Variants in LRRTM4 observed in about 807,000 individuals in gnomAD.
LRRTM4 encodes the protein leucine rich repeat transmembrane neuronal 4.
Under a neutral mutation model 47.6 loss-of-function variants are expected in LRRTM4, and 25 were observed. The observed-to-expected ratio is 0.53, with a 90% confidence interval of 0.38 to 0.73. LRRTM4 has a LOEUF of 0.73. Ranked by LOEUF, LRRTM4 falls within the 30% of genes least tolerant of loss-of-function variation. The pLI, the probability that LRRTM4 is intolerant of heterozygous loss-of-function variation, is 0.00. For synonymous variants in LRRTM4, 311 were observed against 269.5 expected (o/e 1.15, Z -1.51); for missense variants, 638 against 713.4 (o/e 0.89, Z 1.20).
intron 3 of LRRTM4, among the ~76,000 whole-genome samples, chr2:77,089,866 T>C (rs1473537609): frequency 6.6e-6 from 1 of 152,148 alleles, no homozygotes; most frequent in Non-Finnish European, 1.5e-5. Flanking sequence ...AGGCAAACGG[T>C]CTGAGGTGCC....
intron 3 of LRRTM4, among the ~76,000 whole-genome samples, chr2:77,002,069 CTT>C (rs979115893): frequency 6.6e-6 from 1 of 152,152 alleles, no homozygotes; most frequent in African/African-American, 2.4e-5. Flanking sequence ...ATTTTACTCT[CTT>C]AGAATCAACA....
chr2:77,295,197 T>C (rs1415345417), intron 3 of LRRTM4, among the ~76,000 whole-genome samples: 1 of 152,138 alleles, frequency 6.6e-6, no homozygotes, highest in Non-Finnish European at 1.5e-5. Flanking sequence ...GCAAACATAA[T>C]TTCTTTTATT....
At chr2:77,363,673 T>C (rs931450611) in intron 3 of LRRTM4, among the ~76,000 whole-genome samples, 16 of 152,202 alleles carry the variant, frequency 1.1e-4, no homozygotes, top group African/African-American at 3.9e-4. Flanking sequence ...GAATGTGCGC[T>C]TCAAAATGCT....
intron 3 of LRRTM4, among the ~76,000 whole-genome samples, chr2:77,472,621 T>TACA (rs1677234279): frequency 6.6e-6 from 1 of 152,138 alleles, no homozygotes; most frequent in Non-Finnish European, 1.5e-5. Context: ...GTAGTAATCC[T>TACA]ACATTATTAT....
intron 3 of LRRTM4, among the ~76,000 whole-genome samples, chr2:77,447,987 G>T (rs1291699131): frequency 6.6e-6 from 1 of 152,116 alleles, no homozygotes; most frequent in African/African-American, 2.4e-5. Flanking sequence ...AGCAGAGAAG[G>T]TATTATTTAT....
chr2:77,092,517 A>G (rs944789764), intron 3 of LRRTM4, among the ~76,000 whole-genome samples: 9 of 142,520 alleles, frequency 6.3e-5, no homozygotes, highest in African/African-American at 2.6e-4. Flanking sequence ...CTGCTATTCT[A>G]CTACTCCTCA....
intron 3 of LRRTM4, among the ~76,000 whole-genome samples, chr2:76,799,146 CA>C (rs1313806440): frequency 7.1e-6 from 1 of 140,960 alleles, no homozygotes; most frequent in East Asian, 2.2e-4. Flanking sequence ...GAGACACAAC[CA>C]AAAAAGAGAA....
chr2:77,483,269 G>A (rs1001671763), intron 3 of LRRTM4, among the ~76,000 whole-genome samples: 5 of 151,834 alleles, frequency 3.3e-5, no homozygotes, highest in African/African-American at 9.7e-5. Flanking sequence ...TTAAAAGACT[G>A]CTCAAGAATT....
chr2:77,370,369 A>C (rs1455125299), intron 3 of LRRTM4, among the ~76,000 whole-genome samples: 1 of 151,798 alleles, frequency 6.6e-6, no homozygotes, highest in South Asian at 2.1e-4. Flanking sequence ...AAGTTTCAGC[A>C]TAATAACTAC....
chr2:76,788,202 T>C lies in LRRTM4; in HGVS notation c.1552-39286A>G, dbSNP rs1465428114. Among the ~76,000 whole-genome samples the C allele has an allele frequency of 4.6e-5, 7 of 152,216 alleles. No homozygotes were observed. In the East Asian group the frequency reaches 7.7e-4, roughly 17 times the overall value. ...CAGTAGAATGTGTTAACATATGTAATTGAGGTAAGTACAAGGTCTAATAGA... is the reference window on the plus strand; with the variant it reads ...CAGTAGAATGTGTTAACATATGTAACTGAGGTAAGTACAAGGTCTAATAGA... On this transcript the variant is annotated intron_variant, in intron 3 of 3. Coordinates refer to ENST00000409884, the MANE Select transcript of LRRTM4 (RefSeq NM_001134745.3).
intron 3 of LRRTM4, among the ~76,000 whole-genome samples, chr2:77,214,936 C>T (rs981686664): frequency 2.6e-5 from 4 of 151,966 alleles, no homozygotes; most frequent in South Asian, 2.1e-4. Context: ...ATTTAGAGTC[C>T]GCCTTCTTTA....
intron 3 of LRRTM4, among the ~76,000 whole-genome samples, chr2:76,952,055 T>A (rs1675516376): frequency 6.6e-6 from 1 of 152,036 alleles, no homozygotes; most frequent in Non-Finnish European, 1.5e-5. Context: ...TGGTTCCAAG[T>A]CTTTGCTATT....
intron 3 of LRRTM4, among the ~76,000 whole-genome samples, chr2:77,035,702 C>T (rs1678814024): frequency 6.6e-6 from 1 of 151,774 alleles, no homozygotes; most frequent in Non-Finnish European, 1.5e-5. Flanking sequence ...TAGGCTGTTG[C>T]ATGCATCAAT....
chr2:77,002,396 T>C (rs930325588), intron 3 of LRRTM4, among the ~76,000 whole-genome samples: 1 of 152,098 alleles, frequency 6.6e-6, no homozygotes, highest in African/African-American at 2.4e-5. Context: ...TTTTTTCCTG[T>C]ATGCAGATCC....
chr2:77,344,577 A>G (rs187037395), intron 3 of LRRTM4, among the ~76,000 whole-genome samples: 4 of 152,070 alleles, frequency 2.6e-5, no homozygotes, highest in Admixed American at 2.6e-4. Flanking sequence ...AAAGTTTAAC[A>G]TTTGTGTTAT....
intron 3 of LRRTM4, among the ~76,000 whole-genome samples, chr2:76,780,691 G>A (rs989715869): frequency 1.3e-5 from 2 of 151,964 alleles, no homozygotes; most frequent in African/African-American, 2.4e-5. Flanking sequence ...CAACTTCTTT[G>A]CCTTTGGTTT....
chr2:76,768,364 T>C (rs771314648), intron 3 of LRRTM4, among the ~76,000 whole-genome samples: 13 of 151,486 alleles, frequency 8.6e-5, no homozygotes, highest in Admixed American at 3.3e-4. Context: ...GATAAATTGA[T>C]GCATTGGTGG....
chr2:76,933,629 T>A (rs1403949113), intron 3 of LRRTM4, among the ~76,000 whole-genome samples: 1 of 152,092 alleles, frequency 6.6e-6, no homozygotes, highest in Non-Finnish European at 1.5e-5. Context: ...CATAACAGGG[T>A]TTTGATCCAC....
At chr2:77,145,871 T>C (rs973686770) in intron 3 of LRRTM4, among the ~76,000 whole-genome samples, 4 of 152,114 alleles carry the variant, frequency 2.6e-5, no homozygotes, top group African/African-American at 9.7e-5. Context: ...AGAGCTTTTT[T>C]AAAAATATAT....
Sources: allele counts gnomAD v4.1 joint callset (sites outside exome capture counted in the v4.1 genomes callset), GRCh38; gene constraint gnomAD v4.1.1; transcripts MANE v1.5; gene names NCBI Gene and HGNC (gene_info 2026-07-23, HGNC 2026-07-21).